LGI1: variants seen among roughly 807,000 people sequenced by gnomAD.
The protein encoded by LGI1 is leucine rich glioma inactivated 1.
Under a neutral mutation model 57.7 loss-of-function variants are expected in LGI1, and 11 were observed. The ratio of observed to expected loss-of-function variants is 0.19; its 90% CI spans 0.12 to 0.32. LGI1 has a LOEUF of 0.32. Ranked by LOEUF, LGI1 falls within the 10% of genes least tolerant of loss-of-function variation. LGI1 has a pLI of 1.00. For missense variants in LGI1, 422 were observed against 661.9 expected, an observed-to-expected ratio of 0.64 and a Z score of 3.98; for synonymous variants, 222 against 241.9, an observed-to-expected ratio of 0.92 and a Z score of 0.76.
At chr10:93,767,850 C>T (rs1212994591) in intron 2 of LGI1, 2 of 152,138 alleles carry the variant, frequency 1.3e-5, no homozygotes, top group African/African-American at 4.8e-5. Flanking sequence ...CAGGAAAAGG[C>T]TTCTGAGTGT....
rs375722857 is a variant in LGI1 at position 93,783,233 on chromosome 10, G to A, written c.431+5616G>A. On this transcript the variant is annotated intron_variant, in intron 4 of 7. Transcript: ENST00000371418. ...CTACTAAAAATACAAAAAATTAGCT[G>A]GGCGTGGTGGCGGGCGCCTGTAGTC... 4.6e-5 allele frequency among the ~76,000 whole-genome samples: 7 copies of A among 152,176 alleles called. No individual in the cohort carries two copies. In the South Asian group the frequency reaches 6.2e-4, roughly 14 times the overall value.
chr10:93,777,071 T>C, intron 2 of LGI1: 1 of 479,354 alleles, frequency 2.1e-6, no homozygotes, highest in Admixed American at 3.5e-5. Context: ...CATGAAAATA[T>C]GTAAAATGTT....
At chr10:93,777,106 G>A (rs776919165) in intron 2 of LGI1, 5 of 562,676 alleles carry the variant, frequency 8.9e-6, no homozygotes, top group Non-Finnish European at 1.6e-5. Context: ...GGCTATCATA[G>A]CTGCTCTGAT....
chr10:93,795,667 T>G (rs1464389913), intron 7 of LGI1, among the ~76,000 whole-genome samples: 1 of 152,200 alleles, frequency 6.6e-6, no homozygotes, highest in Non-Finnish European at 1.5e-5. Flanking sequence ...ATGGGAATCT[T>G]TCATGTAGAG....
At position 93,758,577 on chromosome 10, in the gene LGI1, G is replaced by A. The variant is rs1180728471; in HGVS notation, c.216-183G>A. 1 of 690,004 alleles carries A rather than the reference G, an allele frequency of 1.4e-6. No homozygotes were observed. Among genetic ancestry groups the A allele is most frequent in the African/African-American group, 1.8e-5 (1 of 55,892 alleles). The allele number at this position is 690,004 out of a possible 1,614,324, so 42.7% of individuals were successfully genotyped here. The stretch of plus-strand genomic sequence containing the variant: ...TACCCCCAGCCCTGAACATTATCAT[G>A]AGAAACCTGTAGCCGATTCATTTCT... On this transcript the variant is annotated intron_variant, in intron 1 of 7. Coordinates refer to ENST00000371418, the MANE Select transcript of LGI1 (RefSeq NM_005097.4). The surrounding 1 kb of genome is among the most constrained non-coding windows in gnomAD (Gnocchi z 4.7).
chr10:93,797,920 A>G lies in LGI1; in HGVS notation c.*117A>G. Reference sequence around the variant, plus strand: ...AAATGAATGCCTTTCAAACATTGAGACTGCTAGAACCAAGCACTACCAGTA... The same window carrying G: ...AAATGAATGCCTTTCAAACATTGAGGCTGCTAGAACCAAGCACTACCAGTA... On this transcript the variant is annotated 3_prime_UTR_variant, in exon 8 of 8. Coordinates refer to ENST00000371418, the MANE Select transcript of LGI1 (RefSeq NM_005097.4). The surrounding 1 kb of genome is among the most constrained non-coding windows in gnomAD (Gnocchi z 6.5). The G allele has an allele frequency of 2.6e-6, 2 of 769,442 alleles. No homozygotes were observed. Among genetic ancestry groups the G allele is most frequent in the Non-Finnish European group, 4.6e-6 (2 of 438,136 alleles). 47.7% of individuals were successfully genotyped at this position (769,442 alleles called of 1,614,324 possible).
intron 2 of LGI1, chr10:93,765,521 G>A (rs2059664860): frequency 6.6e-6 from 1 of 152,214 alleles, no homozygotes; most frequent in African/African-American, 2.4e-5. Context: ...AATTCTGGAA[G>A]TAGATTTTTA....
intron 7 of LGI1, chr10:93,793,781 T>C (rs2059955578): frequency 6.1e-6 from 1 of 163,192 alleles, no homozygotes; most frequent in Non-Finnish European, 1.3e-5. Flanking sequence ...TTTAGATCAA[T>C]AAGTCTCAAA....
At position 93,797,253 on chromosome 10, in the gene LGI1, C is replaced by T. The variant is rs778913748; in HGVS notation, c.1124C>T (p.Ala375Val). The T allele has an allele frequency of 8.1e-6, 13 of 1,614,040 alleles. No individual in the cohort carries two copies. The Admixed American group carries it at 1.2e-4, about 14-fold the overall frequency. The change falls in exon 8 of 8, where the codon GCG (alanine) becomes GTG (valine). Residue 375 changes from alanine to valine, a missense_variant. Around this residue, in one of 3 missense-constraint regions of LGI1, gnomAD observed 301 missense variants for 461.7 expected, o/e 0.65. Transcript: ENST00000371418. The surrounding 1 kb of genome is among the most constrained non-coding windows in gnomAD (Gnocchi z 6.5). ...TTCTACTCCCATCAATCCTTACACG[C>T]GTGGTACAGGGACACTGATGTGGAA... ...NGFYSHQSLHAWYRDTDVEYL... is the reference protein window; with the variant it reads ...NGFYSHQSLHVWYRDTDVEYL...
intron 4 of LGI1, among the ~76,000 whole-genome samples, chr10:93,784,100 G>A: frequency 6.6e-6 from 1 of 152,322 alleles, no homozygotes; most frequent in East Asian, 1.9e-4. Context: ...ATAATGGAAA[G>A]AGAACCATCC....
intron 2 of LGI1, chr10:93,763,526 T>C (rs960431153): frequency 1.3e-5 from 2 of 152,234 alleles, no homozygotes; most frequent in Non-Finnish European, 2.9e-5. Context: ...CCAGTTTATG[T>C]TTCCATCGAT....
Position 93,758,507 on chromosome 10 carries a change from A to T in LGI1, c.215+148A>T, listed in dbSNP as rs771400741. 4 of 884,710 alleles carry T rather than the reference A, an allele frequency of 4.5e-6. No individual in the cohort carries two copies. Among genetic ancestry groups the T allele is most frequent in the Non-Finnish European group, 7.2e-6 (4 of 555,044 alleles). The allele number at this position is 884,710 out of a possible 1,614,324, so 54.8% of individuals were successfully genotyped here. Reference sequence around the variant, plus strand: ...ATTTGACAGTGCTAACATTTGCTGCATTTAGAATTTTTGATTTTTTTAGCT... The same window carrying T: ...ATTTGACAGTGCTAACATTTGCTGCTTTTAGAATTTTTGATTTTTTTAGCT... On this transcript the variant is annotated intron_variant, in intron 1 of 7. Transcript: ENST00000371418. This position sits in a 1 kb window ranked among gnomAD's most constrained non-coding sequence, Gnocchi z 4.7.
At chr10:93,793,667 C>T (rs1458683656) in intron 7 of LGI1, among the ~76,000 whole-genome samples, 1 of 152,166 alleles carries the variant, frequency 6.6e-6, no homozygotes, top group African/African-American at 2.4e-5. Context: ...GATGGTGAAT[C>T]ATGAGTTCTA....
chr10:93,777,200 G>A, intron 2 of LGI1, 179 bp from the exon 3 acceptor site: 1 of 660,082 alleles, frequency 1.5e-6, no homozygotes, highest in East Asian at 2.7e-5. Context: ...CCTTTGATGA[G>A]GAGATGATTA....
Position 93,796,758 on chromosome 10 carries a change from T to C in LGI1, c.839-210T>C, listed in dbSNP as rs550140636. 2.6e-5 allele frequency among the ~76,000 whole-genome samples: 4 copies of C among 152,326 alleles called. No individual in the cohort carries two copies. The East Asian group carries it at 7.7e-4, about 29-fold the overall frequency. On this transcript the variant is annotated intron_variant, in intron 7 of 7. Coordinates refer to ENST00000371418, the MANE Select transcript of LGI1 (RefSeq NM_005097.4). ...GCTAGATATGACATTAACAACTCAATTGTTGGCAACAAGGCCCCACGAGGC... is the reference window on the plus strand; with the variant it reads ...GCTAGATATGACATTAACAACTCAACTGTTGGCAACAAGGCCCCACGAGGC...
At chr10:93,779,022 C>G (rs988968462) in intron 4 of LGI1, 1 of 152,198 alleles carries the variant, frequency 6.6e-6, no homozygotes, top group African/African-American at 2.4e-5. Context: ...GTTTGCAATA[C>G]TACTCTTCAT....
At chr10:93,773,461 T>C (rs1439063326) in intron 2 of LGI1, among the ~76,000 whole-genome samples, 1 of 152,178 alleles carries the variant, frequency 6.6e-6, no homozygotes, top group Admixed American at 6.5e-5. Context: ...CCTGCTTTAC[T>C]ACTTTCACAG....
intron 4 of LGI1, among the ~76,000 whole-genome samples, chr10:93,787,148 G>A (rs1216561217): frequency 6.6e-6 from 1 of 152,088 alleles, no homozygotes; most frequent in East Asian, 1.9e-4. Context: ...GCCTTCTCAT[G>A]CCCATCACTC....
At chr10:93,788,227 C>A (rs1351808446) in intron 4 of LGI1, 1 of 152,218 alleles carries the variant, frequency 6.6e-6, no homozygotes, top group Non-Finnish European at 1.5e-5. Flanking sequence ...ATTCAAACAC[C>A]AGTCAGTAAG....
Sources: gnomAD v4.1 joint callset for allele counts (sites outside exome capture counted in the v4.1 genomes callset) on GRCh38, gnomAD v4.1.1 for gene constraint, gnomAD v4.1.1 regional missense constraint, Gnocchi (gnomAD v3.1) non-coding constraint, MANE v1.5 for transcripts, NCBI Gene and HGNC (gene_info 2026-07-23, HGNC 2026-07-21) for gene names.